MUC17: variants seen among roughly 807,000 people sequenced by gnomAD.
MUC17 encodes the protein mucin 17, cell surface associated.
MUC17 carries 190 observed loss-of-function variants against 170.3 expected under a neutral mutation model. The ratio of observed to expected loss-of-function variants is 1.12; its 90% CI spans 0.99 to 1.26. MUC17 has a LOEUF of 1.26. Ranked by LOEUF, MUC17 falls within the 50% of genes most tolerant of loss-of-function variation. The pLI is 0.00. For missense variants in MUC17, 6,415 were observed against 5,530.0 expected, an observed-to-expected ratio of 1.16 and a Z score of -5.08; for synonymous variants, 2,325 against 2,002.5, an observed-to-expected ratio of 1.16 and a Z score of -4.30.
chr7:101,037,851 T>G lies in MUC17; in HGVS notation c.6435T>G (p.Pro2145=). 1.2e-6 allele frequency: 2 copies of G among 1,613,830 alleles called. No individual in the cohort carries two copies. Among genetic ancestry groups the G allele is most frequent in the Non-Finnish European group, 1.7e-6 (2 of 1,179,928 alleles). The change falls in exon 3 of 13, where the codon CCT becomes CCG. Residue 2145 remains proline (P), a synonymous_variant. Coordinates refer to ENST00000306151, the MANE Select transcript of MUC17 (RefSeq NM_001040105.2). The stretch of plus-strand genomic sequence containing the variant: ...CTGAAGTCAGTTCATCTCCTATACC[T>G]ACTGAAGGTACCAGCATGCAAACCT... The part of the protein sequence containing the change: ...TSTEVSSSPI[P]TEGTSMQTST...
chr7:101,022,356 G>A (rs1345027207), intron 1 of MUC17, among the ~76,000 whole-genome samples: 3 of 152,142 alleles, frequency 2.0e-5, no homozygotes, highest in Middle Eastern at 3.2e-3. Context: ...TAGTAGAGAC[G>A]GGGTTTCGCC....
rs541786537 is a variant in MUC17 at position 101,026,498 on chromosome 7, G to A, written c.83-4622G>A. 2.7e-3 allele frequency among the ~76,000 whole-genome samples: 409 copies of A among 152,366 alleles called. 1 individual carries two copies. The highest frequency in any genetic ancestry group is 5.0e-3 in the Non-Finnish European group (339 of 68,032). On this transcript the variant is annotated intron_variant, in intron 1 of 12. Transcript: ENST00000306151. ...CTCATAGTGCTGAGATAATGGGGCT[G>A]AGACCTCTCATCTGGTTCTAGACGA...
At position 101,036,385 on chromosome 7, in the gene MUC17, G is replaced by T. The variant is rs1175885406; in HGVS notation, c.4969G>T (p.Asp1657Tyr). 2.5e-6 allele frequency: 4 copies of T among 1,612,148 alleles called. No homozygotes were observed. Among genetic ancestry groups the T allele is most frequent in the Non-Finnish European group, 3.4e-6 (4 of 1,179,398 alleles). Residue 1657 changes from aspartate (D) to tyrosine (Y), a missense_variant, in exon 3 of 13, where the codon GAC becomes TAC. Asp to Tyr is a radical substitution (Grantham distance 160). Transcript: ENST00000306151. ...EASTLSTTPV[D>Y]SNSPVITSTE... Reference sequence around the variant, plus strand: ...TAGCACCCTTTCAACAACTCCTGTTGACTCCAACAGTCCTGTGATCACTTC... The same window carrying T: ...TAGCACCCTTTCAACAACTCCTGTTTACTCCAACAGTCCTGTGATCACTTC...
In MUC17 at chr7:101,051,796, C is replaced by T. The variant is rs766374890; in HGVS notation, c.12944-7C>T. On this transcript the variant is annotated splice_polypyrimidine_tract_variant and splice_region_variant and intron_variant, in intron 8 of 12. Transcript: ENST00000306151. ...CGGCTGTTCCCTGTCCCTGCACCCC[C>T]CACCAGAGGACTGCCGGAAGATGGC... The T allele has an allele frequency of 6.2e-7, 1 of 1,612,678 alleles. No homozygotes were observed. The highest frequency in any genetic ancestry group is 1.7e-4 in the Middle Eastern group (1 of 6,054).
In MUC17 at chr7:101,042,892, G is replaced by T; in HGVS notation, c.11476G>T (p.Val3826Leu). 2 of 1,613,992 alleles carry T rather than the reference G, an allele frequency of 1.2e-6. No homozygotes were observed. The highest frequency in any genetic ancestry group is 1.7e-6 in the Non-Finnish European group (2 of 1,180,002). ...AACTGTCCTCATCAGCCCTATATCT[G>T]TGATGAGTCCTTCTGAGGCCAGCAC... is the stretch of plus-strand genomic sequence containing the variant. Reference protein sequence around the residue: ...LTTVLISPISVMSPSEASTLS... With the variant: ...LTTVLISPISLMSPSEASTLS... The change falls in exon 3 of 13, where the codon GTG (valine) becomes TTG (leucine). Residue 3826 changes from valine to leucine, a missense_variant. Transcript: ENST00000306151.
In MUC17 at chr7:101,039,928, A is replaced by G. The variant is rs760994806; in HGVS notation, c.8512A>G (p.Ser2838Gly). 1 of 1,613,628 alleles carries G rather than the reference A, an allele frequency of 6.2e-7. No homozygotes were observed. Among genetic ancestry groups the G allele is most frequent in the Non-Finnish European group, 8.5e-7 (1 of 1,179,822 alleles). ...CCTTTCAACAACTCCTGTTGACACCAGCACACCTGTGACCACTTCTACTAA... is the reference window on the plus strand; with the variant it reads ...CCTTTCAACAACTCCTGTTGACACCGGCACACCTGTGACCACTTCTACTAA... Reference protein sequence around the residue: ...GTLSTTPVDTSTPVTTSTKAS... With the variant: ...GTLSTTPVDTGTPVTTSTKAS... The change falls in exon 3 of 13, where the codon AGC (serine) becomes GGC (glycine). Residue 2838 changes from serine to glycine, a missense_variant. By Grantham distance (56) the Ser-to-Gly change is moderately conservative. Transcript: ENST00000306151.
chr7:101,034,196 C>G lies in MUC17; in HGVS notation c.2780C>G (p.Thr927Arg). The G allele has an allele frequency of 1.3e-6, 2 of 1,586,872 alleles. No homozygotes were observed. Among genetic ancestry groups the G allele is most frequent in the Non-Finnish European group, 1.7e-6 (2 of 1,165,242 alleles). The change falls in exon 3 of 13, where the codon ACA (threonine) becomes AGA (arginine). Residue 927 changes from threonine (T) to arginine (R), a missense_variant. By Grantham distance (71) the Thr-to-Arg change is moderately conservative. Transcript: ENST00000306151. Reference sequence around the variant, plus strand: ...CCTGGGGAAGGAAGCACTCCATTAACAAGTATGCCTGACAGCACCACGCCG... The same window carrying G: ...CCTGGGGAAGGAAGCACTCCATTAAGAAGTATGCCTGACAGCACCACGCCG... ...STPGEGSTPL[T>R]SMPDSTTPVV...
intron 12 of MUC17, among the ~76,000 whole-genome samples, chr7:101,056,968 A>T (rs1795056911): frequency 6.6e-6 from 1 of 151,956 alleles, no homozygotes; most frequent in African/African-American, 2.4e-5. Flanking sequence ...TTAAGAGTCT[A>T]GGATGGTTGT....
Position 101,041,353 on chromosome 7 carries a change from A to G in MUC17, c.9937A>G (p.Thr3313Ala). Residue 3313 changes from threonine (T) to alanine (A), a missense_variant, in exon 3 of 13, where the codon ACC becomes GCC. Coordinates refer to ENST00000306151, the MANE Select transcript of MUC17 (RefSeq NM_001040105.2). The part of the protein sequence containing the change: ...TTPADTSTPV[T>A]TYSQASSSPP... ...TCCTGCTGACACCAGCACACCTGTG[A>G]CCACTTATTCTCAAGCCAGTTCATC... 6.2e-7 allele frequency: 1 copy of G among 1,613,280 alleles called. No homozygotes were observed. The highest frequency in any genetic ancestry group is 8.5e-7 in the Non-Finnish European group (1 of 1,179,578).
In MUC17 at chr7:101,058,593, G is replaced by C. The variant is rs901952563; in HGVS notation, c.*549G>C. 6.6e-6 allele frequency: 1 copy of C among 152,210 alleles called. No homozygotes were observed. Among genetic ancestry groups the C allele is most frequent in the African/African-American group, 2.4e-5 (1 of 41,410 alleles). 9.4% of individuals were successfully genotyped at this position (152,210 alleles called of 1,614,324 possible). A position where few individuals can be genotyped will look rare whatever the true frequency, so the allele number is the denominator to read the frequency against. On this transcript the variant is annotated 3_prime_UTR_variant, in exon 13 of 13. Coordinates refer to ENST00000306151, the MANE Select transcript of MUC17 (RefSeq NM_001040105.2). ...GCCCGGGTTCAGTACCATGGACAGC[G>C]CCCTCGACCCGCTGTTTACAACCAT...
At chr7:101,049,483 G>C in intron 6 of MUC17, 101 bp downstream of exon 6, 1 of 1,450,996 alleles carries the variant, frequency 6.9e-7, no homozygotes. Flanking sequence ...CTGTGCCCAG[G>C]CAGCTATTGC....
chr7:101,053,021 A>C lies in MUC17; in HGVS notation c.13139A>C (p.Glu4380Ala), dbSNP rs540383829. Reference sequence around the variant, plus strand: ...ACGGAAACTCACTGGTACAGTGGGGAGACCTGTAACCAGGGCACCCAGAAG... The same window carrying C: ...ACGGAAACTCACTGGTACAGTGGGGCGACCTGTAACCAGGGCACCCAGAAG... ...VTTETHWYSG[E>A]TCNQGTQKSL... is the part of the protein sequence containing the mutation. Residue 4380 changes from glutamate to alanine, a missense_variant, in exon 10 of 13, where the codon GAG (glutamate) becomes GCG (alanine). Transcript: ENST00000306151. The C allele has an allele frequency of 6.2e-7, 1 of 1,614,104 alleles. No homozygotes were observed.
intron 11 of MUC17, among the ~76,000 whole-genome samples, chr7:101,055,981 A>G (rs1795036905): frequency 6.6e-6 from 1 of 152,230 alleles, no homozygotes; most frequent in Non-Finnish European, 1.5e-5. Flanking sequence ...ATGCAGCTAC[A>G]GCTATACTCA....
chr7:101,040,136 G>A lies in MUC17; in HGVS notation c.8720G>A (p.Ser2907Asn), dbSNP rs141162783. 1.3e-5 allele frequency: 21 copies of A among 1,612,608 alleles called. No individual in the cohort carries two copies. Among genetic ancestry groups the A allele is most frequent in the Non-Finnish European group, 1.7e-5 (20 of 1,179,476 alleles). ...CCTGTCACCACTTCTACTGAAGGCA[G>A]TTCTTCTCCTACAACTGCTGAAGGT... ...SIPVTTSTEG[S>N]SSPTTAEGTS... The change falls in exon 3 of 13, where the codon AGT becomes AAT. Residue 2907 changes from serine (S) to asparagine (N), a missense_variant. Transcript: ENST00000306151.
intron 3 of MUC17, among the ~76,000 whole-genome samples, chr7:101,047,202 C>T (rs1217890821): frequency 6.6e-6 from 1 of 152,144 alleles, no homozygotes; most frequent in Admixed American, 6.5e-5. Flanking sequence ...ATAACAGTAA[C>T]GATTGCCAGT....
chr7:101,034,201 A>T lies in MUC17; in HGVS notation c.2785A>T (p.Met929Leu). ...GGAAGGAAGCACTCCATTAACAAGT[A>T]TGCCTGACAGCACCACGCCGGTAGT... is the stretch of plus-strand genomic sequence containing the variant. ...PGEGSTPLTS[M>L]PDSTTPVVSS... The change falls in exon 3 of 13, where the codon ATG (methionine) becomes TTG (leucine). Residue 929 changes from methionine to leucine, a missense_variant. Physicochemically the swap from Met to Leu is conservative, Grantham distance 15 (BLOSUM62 2). Coordinates refer to ENST00000306151, the MANE Select transcript of MUC17 (RefSeq NM_001040105.2). The T allele has an allele frequency of 6.3e-7, 1 of 1,597,540 alleles. No homozygotes were observed. Among genetic ancestry groups the T allele is most frequent in the Non-Finnish European group, 8.5e-7 (1 of 1,173,068 alleles).
chr7:101,052,000 G>A (rs371813677), intron 9 of MUC17, 38 bp downstream of exon 9: 46 of 1,586,684 alleles, frequency 2.9e-5, no homozygotes, highest in Non-Finnish European at 3.5e-5. Context: ...CAGCCCAGAC[G>A]TCCTGGTCCT....
Position 101,043,763 on chromosome 7 carries a change from A to AGC in MUC17, c.12347_12348insGC (p.Asn4116LysfsTer64), listed in dbSNP as rs748093549. ...GTGACCACCACCGCTGTCCCCACGAATACTACAATTAAGAGCAACCCCACC... is the reference window on the plus strand; with the variant it reads ...GTGACCACCACCGCTGTCCCCACGAAGCTACTACAATTAAGAGCAACCCCACC... On this transcript the variant is annotated frameshift_variant, in exon 3 of 13. Coordinates refer to ENST00000306151, the MANE Select transcript of MUC17 (RefSeq NM_001040105.2). LOFTEE classifies it high-confidence loss of function. 6.2e-7 allele frequency: 1 copy of AGC among 1,613,956 alleles called. No homozygotes were observed. The highest frequency in any genetic ancestry group is 8.5e-7 in the Non-Finnish European group (1 of 1,179,932).
chr7:101,030,041 A>C (rs758858166), intron 1 of MUC17, among the ~76,000 whole-genome samples: 3 of 152,160 alleles, frequency 2.0e-5, no homozygotes, highest in Non-Finnish European at 2.9e-5. Flanking sequence ...AACAAATTAA[A>C]TGTATATATT....
Sources: allele counts gnomAD v4.1 joint callset (sites outside exome capture counted in the v4.1 genomes callset), GRCh38; gene constraint gnomAD v4.1.1; transcripts MANE v1.5; gene names NCBI Gene and HGNC (gene_info 2026-07-23, HGNC 2026-07-21).